Variants in IGF2BP2 observed in about 807,000 individuals in gnomAD.
IGF2BP2 encodes the protein insulin-like growth factor 2 mRNA-binding protein 2.
A neutral mutation model predicts 75.8 loss-of-function variants in IGF2BP2; 17 were observed. That is an observed-to-expected ratio of 0.22 (90% CI 0.15 to 0.34). IGF2BP2 has a LOEUF of 0.34. Among genes scored for constraint, IGF2BP2 ranks in the 10% least tolerant of loss-of-function variants. IGF2BP2 has a pLI of 1.00. For missense variants in IGF2BP2, 516 were observed against 772.4 expected (o/e 0.67, Z 3.93); for synonymous variants, 288 against 295.6 (o/e 0.97, Z 0.26).
chr3:185,701,664 A>C (rs774792694), intron 2 of IGF2BP2, among the ~76,000 whole-genome samples: 1 of 152,226 alleles, frequency 6.6e-6, no homozygotes, highest in Non-Finnish European at 1.5e-5. Flanking sequence ...AAGTTCAGTA[A>C]CTGGGAATGT....
chr3:185,805,166 T>C (rs1238000385), intron 2 of IGF2BP2, among the ~76,000 whole-genome samples: 1 of 152,032 alleles, frequency 6.6e-6, no homozygotes, highest in Non-Finnish European at 1.5e-5. Flanking sequence ...CCCAGAAGTA[T>C]TTCTGAAAAT....
chr3:185,659,996 G>A (rs1716162081), intron 10 of IGF2BP2, among the ~76,000 whole-genome samples: 1 of 152,152 alleles, frequency 6.6e-6, no homozygotes, highest in South Asian at 2.1e-4. Flanking sequence ...GTTTCACCAT[G>A]TTGGTAAGGC....
intron 4 of IGF2BP2, among the ~76,000 whole-genome samples, chr3:185,695,493 G>A (rs1013881389): frequency 7.9e-5 from 12 of 152,130 alleles, no homozygotes; most frequent in African/African-American, 2.2e-4. Context: ...TCAAGGGTTC[G>A]CAGTCAGTAA....
intron 7 of IGF2BP2, among the ~76,000 whole-genome samples, chr3:185,679,671 C>T (rs1720085213): frequency 6.6e-6 from 1 of 152,022 alleles, no homozygotes; most frequent in African/African-American, 2.4e-5. Context: ...GGCTGGAGTG[C>T]AATGGCATGA....
chr3:185,675,546 C>G, intron 8 of IGF2BP2, 115 bp from the exon 9 acceptor site: 3 of 1,239,848 alleles, frequency 2.4e-6, no homozygotes, highest in Non-Finnish European at 3.4e-6. Context: ...CAATTCCCTC[C>G]CAACACACTG....
chr3:185,824,673 G>T, intron 1 of IGF2BP2, 110 bp downstream of exon 1: 1 of 748,844 alleles, frequency 1.3e-6, no homozygotes, highest in South Asian at 6.8e-5. Context: ...GTGAGCGTGC[G>T]GGCGCGGGAG....
At chr3:185,778,161 C>T (rs901078264) in intron 2 of IGF2BP2, among the ~76,000 whole-genome samples, 3 of 152,026 alleles carry the variant, frequency 2.0e-5, no homozygotes, top group African/African-American at 7.2e-5. Context: ...CTGCTTATTC[C>T]AATACAAAGT....
chr3:185,715,414 C>A (rs937374081), intron 2 of IGF2BP2, among the ~76,000 whole-genome samples: 6 of 152,204 alleles, frequency 3.9e-5, no homozygotes, highest in African/African-American at 1.4e-4. Context: ...TCACGCCCCA[C>A]ACAGAGTCAG....
At chr3:185,658,918 A>G (rs1715928306) in intron 10 of IGF2BP2, among the ~76,000 whole-genome samples, 1 of 152,222 alleles carries the variant, frequency 6.6e-6, no homozygotes, top group Admixed American at 6.5e-5. Flanking sequence ...AGAGAATTCT[A>G]GAAGGAATGG....
At chr3:185,677,450 T>TAGGCTGATTTC (rs1304116659) in intron 7 of IGF2BP2, among the ~76,000 whole-genome samples, 1 of 152,076 alleles carries the variant, frequency 6.6e-6, no homozygotes, top group Non-Finnish European at 1.5e-5. Flanking sequence ...AACCTCTAGC[T>TAGGCTGATTTC]AGGCTGATTT....
At chr3:185,668,132 T>C (rs1337715006) in intron 10 of IGF2BP2, among the ~76,000 whole-genome samples, 1 of 152,198 alleles carries the variant, frequency 6.6e-6, no homozygotes, top group Admixed American at 6.5e-5. Flanking sequence ...ATTTTGACAT[T>C]GTCTATAATA....
chr3:185,771,866 G>A (rs750384741), intron 2 of IGF2BP2, among the ~76,000 whole-genome samples: 7 of 152,080 alleles, frequency 4.6e-5, no homozygotes, highest in Admixed American at 2.6e-4. Context: ...CCATTTTTGA[G>A]GCTATGCAGC....
chr3:185,796,631 A>AGAGAG lies in IGF2BP2; in HGVS notation c.239+26521_239+26522insCTCTC, dbSNP rs558852219. On this transcript the variant is annotated intron_variant, in intron 2 of 15. Coordinates refer to ENST00000382199, the MANE Select transcript of IGF2BP2 (RefSeq NM_006548.6). ...TCCTGAGCTAGGAAAAAAAAAAAAA[A>AGAGAG]AAAGAGAGAGAGACTAAGGTAATAC... 6.1e-4 allele frequency among the ~76,000 whole-genome samples: 87 copies of AGAGAG among 141,814 alleles called. 1 individual carries two copies. The highest frequency in any genetic ancestry group is 2.2e-3 in the African/African-American group (82 of 36,966). The allele number at this position is 141,814 out of a possible 152,430, so 93.0% of individuals were successfully genotyped here. A position where few individuals can be genotyped will look rare whatever the true frequency, so the allele number is the denominator to read the frequency against.
chr3:185,803,654 T>C (rs541663085), intron 2 of IGF2BP2, among the ~76,000 whole-genome samples: 1 of 152,306 alleles, frequency 6.6e-6, no homozygotes, highest in Non-Finnish European at 1.5e-5. Context: ...TGTGTCTCAA[T>C]GGCACCAGAA....
At chr3:185,682,132 A>T (rs1396981718) in intron 7 of IGF2BP2, among the ~76,000 whole-genome samples, 3 of 152,216 alleles carry the variant, frequency 2.0e-5, no homozygotes, top group African/African-American at 7.2e-5. Context: ...AACCCATGGG[A>T]TGGGAGAAAT....
chr3:185,713,353 T>A (rs1725098679), intron 2 of IGF2BP2: 2 of 512,736 alleles, frequency 3.9e-6, no homozygotes, highest in African/African-American at 1.9e-5. Flanking sequence ...TAAAATAATA[T>A]GCTTTAGCAG....
chr3:185,789,467 C>T (rs889791948), intron 2 of IGF2BP2, among the ~76,000 whole-genome samples: 1 of 152,108 alleles, frequency 6.6e-6, no homozygotes, highest in Non-Finnish European at 1.5e-5. Flanking sequence ...TATAGATGGG[C>T]AATGACCACA....
At chr3:185,718,636 G>A (rs1164089566) in intron 2 of IGF2BP2, among the ~76,000 whole-genome samples, 3 of 123,510 alleles carry the variant, frequency 2.4e-5, no homozygotes, top group African/African-American at 9.5e-5. Flanking sequence ...GGTGAGCTGA[G>A]ATCACACCAC....
intron 2 of IGF2BP2, among the ~76,000 whole-genome samples, chr3:185,817,083 A>G (rs944599069): frequency 6.6e-6 from 1 of 152,188 alleles, no homozygotes; most frequent in Non-Finnish European, 1.5e-5. Context: ...AGAACTCTTA[A>G]TTTTCATTTA....
Sources: allele counts gnomAD v4.1 joint callset (sites outside exome capture counted in the v4.1 genomes callset), GRCh38; gene constraint gnomAD v4.1.1; transcripts MANE v1.5; gene names NCBI Gene and HGNC (gene_info 2026-07-23, HGNC 2026-07-21).